The following ANO3 variants were observed in gnomAD, a reference collection of about 807,000 sequenced individuals.
ANO3 encodes anoctamin-3.
In ANO3, 99 loss-of-function variants were observed where a neutral mutation model predicts 144.8. The observed-to-expected ratio is 0.68, with a 90% confidence interval of 0.58 to 0.81. ANO3 has a LOEUF of 0.81. Among genes scored for constraint, ANO3 ranks in the 30% least tolerant of loss-of-function variants. ANO3 has a pLI of 0.00. For synonymous variants in ANO3, 414 were observed against 392.6 expected, an observed-to-expected ratio of 1.05 and a Z score of -0.64; for missense variants, 905 against 1,202.2, an observed-to-expected ratio of 0.75 and a Z score of 3.66.
At chr11:26,215,622 C>T (rs1037855365) in intron 1 of ANO3, among the ~76,000 whole-genome samples, 10 of 151,958 alleles carry the variant, frequency 6.6e-5, no homozygotes, top group African/African-American at 2.4e-4. Flanking sequence ...ATTAAGTATG[C>T]TTATCAGTAA....
At chr11:26,446,944 T>TC (rs1351624966) in intron 3 of ANO3, among the ~76,000 whole-genome samples, 1 of 152,058 alleles carries the variant, frequency 6.6e-6, no homozygotes, top group Non-Finnish European at 1.5e-5. Context: ...GTGTGGTGGC[T>TC]CCCACCTGTA....
At chr11:26,222,444 C>T (rs1852166104) in intron 1 of ANO3, among the ~76,000 whole-genome samples, 1 of 152,180 alleles carries the variant, frequency 6.6e-6, no homozygotes, top group Non-Finnish European at 1.5e-5. Context: ...AGTTGATCTA[C>T]CATTCTCAGG....
chr11:26,465,945 A>C (rs115638759), intron 4 of ANO3, among the ~76,000 whole-genome samples: 1,799 of 152,094 alleles, frequency 0.012, 33 homozygotes, highest in African/African-American at 0.041. Context: ...AATGCATTGT[A>C]TCTTTAGAAT....
At chr11:26,465,087 T>C (rs537806857) in intron 4 of ANO3, among the ~76,000 whole-genome samples, 11 of 151,550 alleles carry the variant, frequency 7.3e-5, no homozygotes, top group Non-Finnish European at 1.6e-4. Context: ...GCTTTATAAA[T>C]TTGTTGGCCT....
intron 1 of ANO3, among the ~76,000 whole-genome samples, chr11:26,245,902 A>G (rs1820613529): frequency 6.6e-6 from 1 of 152,218 alleles, no homozygotes; most frequent in African/African-American, 2.4e-5. Flanking sequence ...ACGGTTTGTG[A>G]CAATATATCT....
chr11:26,609,958 C>T (rs946423723), intron 17 of ANO3, among the ~76,000 whole-genome samples: 1 of 152,198 alleles, frequency 6.6e-6, no homozygotes, highest in African/African-American at 2.4e-5. Context: ...GTTGCCCAGG[C>T]TGGACTGCAA....
chr11:26,525,870 T>C (rs905877276), intron 7 of ANO3, among the ~76,000 whole-genome samples, 191 bp downstream of exon 7: 5 of 152,156 alleles, frequency 3.3e-5, no homozygotes, highest in African/African-American at 1.2e-4. Context: ...TTTGTTACAA[T>C]TTATCATTGC....
intron 14 of ANO3, among the ~76,000 whole-genome samples, chr11:26,573,669 G>C (rs573259964): frequency 6.6e-6 from 1 of 152,030 alleles, no homozygotes; most frequent in Non-Finnish European, 1.5e-5. Context: ...CGTTTTCACT[G>C]CCATAAAAGT....
At chr11:26,595,986 G>T (rs1319843346) in intron 14 of ANO3, among the ~76,000 whole-genome samples, 1 of 152,152 alleles carries the variant, frequency 6.6e-6, no homozygotes, top group Non-Finnish European at 1.5e-5. Context: ...AAGAATTTTT[G>T]ATAGGAAGGC....
intron 1 of ANO3, among the ~76,000 whole-genome samples, chr11:26,361,706 G>A (rs1425142692): frequency 6.6e-6 from 1 of 152,118 alleles, no homozygotes; most frequent in Non-Finnish European, 1.5e-5. Context: ...AGGAAGAAAG[G>A]AGGCGCCCTT....
At chr11:26,216,794 G>T (rs1362599850) in intron 1 of ANO3, among the ~76,000 whole-genome samples, 2 of 151,956 alleles carry the variant, frequency 1.3e-5, no homozygotes, top group Admixed American at 6.6e-5. Flanking sequence ...TTTCATTGTT[G>T]GGTAACTTAT....
intron 1 of ANO3, among the ~76,000 whole-genome samples, chr11:26,435,097 G>A (rs968882191): frequency 2.0e-5 from 3 of 152,172 alleles, no homozygotes; most frequent in South Asian, 2.1e-4. Context: ...GAATCTGGGC[G>A]CTCCTATTTT....
chr11:26,208,072 T>C (rs978350046), intron 1 of ANO3: 4 of 152,204 alleles, frequency 2.6e-5, no homozygotes, highest in African/African-American at 9.6e-5. Flanking sequence ...TGTCCTCACA[T>C]GATGGAAGAA....
chr11:26,648,714 C>T (rs959134312), intron 24 of ANO3, among the ~76,000 whole-genome samples: 2 of 152,070 alleles, frequency 1.3e-5, no homozygotes, highest in Non-Finnish European at 2.9e-5. Flanking sequence ...ATTTGAGGAA[C>T]GGAGAGGAGT....
intron 17 of ANO3, among the ~76,000 whole-genome samples, chr11:26,615,615 T>C (rs1280079779): frequency 1.3e-5 from 2 of 152,112 alleles, no homozygotes; most frequent in African/African-American, 4.8e-5. Flanking sequence ...GTAACCTCTC[T>C]AGTGCATAGA....
chr11:26,564,035 A>G (rs1412613379), intron 14 of ANO3, among the ~76,000 whole-genome samples: 1 of 151,824 alleles, frequency 6.6e-6, no homozygotes. Context: ...CTGATTCTAT[A>G]TAAAATCTCA....
intron 1 of ANO3, among the ~76,000 whole-genome samples, chr11:26,223,875 T>C (rs1289640982): frequency 6.6e-6 from 1 of 152,032 alleles, no homozygotes; most frequent in Non-Finnish European, 1.5e-5. Context: ...AGTCACTCAT[T>C]ATTGCAAGGA....
At chr11:26,624,166 T>C (rs1167181342) in intron 17 of ANO3, among the ~76,000 whole-genome samples, 2 of 152,212 alleles carry the variant, frequency 1.3e-5, no homozygotes, top group Non-Finnish European at 2.9e-5. Flanking sequence ...TCTCATTTCT[T>C]GATTTACAAA....
intron 1 of ANO3, among the ~76,000 whole-genome samples, chr11:26,245,851 G>A (rs1045389912): frequency 6.6e-6 from 1 of 152,130 alleles, no homozygotes; most frequent in Non-Finnish European, 1.5e-5. Context: ...AAGAACATAC[G>A]ATGGCCTGTT....
Sources: allele counts gnomAD v4.1 joint callset (sites outside exome capture counted in the v4.1 genomes callset), GRCh38; gene constraint gnomAD v4.1.1; transcripts MANE v1.5; gene names NCBI Gene and HGNC (gene_info 2026-07-23, HGNC 2026-07-21).